The following JAK2 variants were observed in gnomAD, a reference collection of about 807,000 sequenced individuals.
The protein encoded by JAK2 is tyrosine-protein kinase JAK2.
JAK2 carries 86 observed loss-of-function variants against 139.3 expected under a neutral mutation model. The ratio of observed to expected loss-of-function variants is 0.62; its 90% CI spans 0.52 to 0.74. JAK2 has a LOEUF of 0.74. JAK2 is among the 30% of genes least tolerant of loss of function. JAK2 has a pLI of 0.00. For missense variants in JAK2, 1,421 were observed against 1,360.3 expected (o/e 1.04, Z -0.70); for synonymous variants, 490 against 437.7 (o/e 1.12, Z -1.49).
chr9:5,080,134 T>C, intron 16 of JAK2, 95 bp from the exon 17 acceptor site: 1 of 983,470 alleles, frequency 1.0e-6, no homozygotes, highest in Non-Finnish European at 1.5e-6. Flanking sequence ...ATAGGCCTGA[T>C]TATTCAAATG....
chr9:5,042,784 A>C (rs1420016433), intron 4 of JAK2, among the ~76,000 whole-genome samples: 1 of 152,172 alleles, frequency 6.6e-6, no homozygotes, highest in Non-Finnish European at 1.5e-5. Flanking sequence ...GGCCTCCCCA[A>C]AACTAAAGGG....
chr9:4,994,984 A>C (rs2129761614), intron 2 of JAK2, among the ~76,000 whole-genome samples: 1 of 152,298 alleles, frequency 6.6e-6, no homozygotes, highest in Middle Eastern at 3.4e-3. Flanking sequence ...TAAGTAGAAG[A>C]GGAGTTGCTG....
chr9:5,072,405 A>G, intron 12 of JAK2, 87 bp from the exon 13 acceptor site: 12 of 995,628 alleles, frequency 1.2e-5, no homozygotes, highest in Non-Finnish European at 1.5e-5. Flanking sequence ...GGATTTAAAA[A>G]AATTCTTCCT....
intron 3 of JAK2, among the ~76,000 whole-genome samples, chr9:5,022,966 A>G (rs562935110): frequency 2.0e-5 from 3 of 152,260 alleles, no homozygotes; most frequent in Non-Finnish European, 4.4e-5. Context: ...CTTATTTAAG[A>G]TCAGTATAGG....
intron 2 of JAK2, among the ~76,000 whole-genome samples, chr9:5,012,927 A>G (rs1490441242): frequency 6.6e-6 from 1 of 152,226 alleles, no homozygotes; most frequent in African/African-American, 2.4e-5. Flanking sequence ...TTAGGAGGAC[A>G]TTGCAATAGT....
intron 3 of JAK2, among the ~76,000 whole-genome samples, chr9:5,025,955 T>C (rs928287942): frequency 6.6e-6 from 1 of 152,264 alleles, no homozygotes; most frequent in Non-Finnish European, 1.5e-5. Flanking sequence ...TAGCACTCTT[T>C]GTCTTCATAA....
intron 22 of JAK2, among the ~76,000 whole-genome samples, chr9:5,117,067 A>T (rs1306995203): frequency 6.6e-6 from 1 of 152,298 alleles, no homozygotes; most frequent in African/African-American, 2.4e-5. Context: ...ACTTTCATCC[A>T]TGTGAGGACA....
At chr9:5,011,256 G>A (rs1308657111) in intron 2 of JAK2, among the ~76,000 whole-genome samples, 1 of 152,058 alleles carries the variant, frequency 6.6e-6, no homozygotes, top group Non-Finnish European at 1.5e-5. Flanking sequence ...TGTGATCACG[G>A]CTTTCTGCAG....
intron 7 of JAK2, among the ~76,000 whole-genome samples, 176 bp from the exon 8 acceptor site, chr9:5,055,493 T>C (rs1376202409): frequency 2.0e-5 from 3 of 152,038 alleles, no homozygotes; most frequent in Admixed American, 6.6e-5. Flanking sequence ...TCAAGCAAGA[T>C]ACAGCATAGT....
intron 2 of JAK2, among the ~76,000 whole-genome samples, chr9:5,015,958 C>A (rs982491304): frequency 2.0e-5 from 3 of 152,066 alleles, no homozygotes; most frequent in Non-Finnish European, 4.4e-5. Context: ...ATTATAAGTG[C>A]AAAATACTGA....
chr9:5,021,682 G>A (rs961731150), intron 2 of JAK2, among the ~76,000 whole-genome samples: 7 of 152,044 alleles, frequency 4.6e-5, no homozygotes, highest in East Asian at 1.9e-4. Context: ...ACTGGAGTGC[G>A]GTGGAGTGCG....
chr9:5,104,029 A>C (rs202132389), intron 22 of JAK2, among the ~76,000 whole-genome samples: 7 of 152,140 alleles, frequency 4.6e-5, no homozygotes, highest in Admixed American at 1.3e-4. Flanking sequence ...AGAGCAAACA[A>C]ATTCAAAAGC....
intron 23 of JAK2, among the ~76,000 whole-genome samples, chr9:5,124,944 A>C (rs893365186): frequency 4.6e-5 from 7 of 151,578 alleles, no homozygotes; most frequent in African/African-American, 1.7e-4. Context: ...TTGAATTTTT[A>C]AAAAGGGGAT....
intron 22 of JAK2, chr9:5,111,676 G>A: frequency 2.4e-6 from 1 of 420,228 alleles, no homozygotes; most frequent in South Asian, 1.8e-5. Flanking sequence ...GCGGCCCTGT[G>A]GGCAGTGGCG....
At position 5,127,976 on chromosome 9, in the gene JAK2, A is replaced by C. The variant is rs567730823; in HGVS notation, c.*1185A>C. ...GTATCTTTAAGAAAAATGAGCATAC[A>C]TCTTAAATCTTTTCAATTAAGTATA... On this transcript the variant is annotated 3_prime_UTR_variant, in exon 25 of 25. Coordinates refer to ENST00000381652, the MANE Select transcript of JAK2 (RefSeq NM_004972.4). The C allele has an allele frequency of 9.2e-4, 214 of 232,334 alleles. No homozygotes were observed. Among genetic ancestry groups the C allele is most frequent in the Non-Finnish European group, 1.6e-3 (186 of 117,392 alleles). The allele number at this position is 232,334 out of a possible 1,614,324, so 14.4% of individuals were successfully genotyped here.
Position 5,126,456 on chromosome 9 carries a change from T to C in JAK2, c.3291+10T>C, listed in dbSNP as rs1824005457. ...TGGATGCCCAGATGAGGTAACAATT[T>C]TTTTTTAATCCAGGGTAGTCATGCA... On this transcript the variant is annotated intron_variant, in intron 24 of 24. Transcript: ENST00000381652. 1 of 1,559,390 alleles carries C rather than the reference T, an allele frequency of 6.4e-7. No homozygotes were observed. Among genetic ancestry groups the C allele is most frequent in the Admixed American group, 1.7e-5 (1 of 57,208 alleles).
At chr9:5,001,788 G>T (rs1213791731) in intron 2 of JAK2, among the ~76,000 whole-genome samples, 1 of 151,952 alleles carries the variant, frequency 6.6e-6, no homozygotes, top group Non-Finnish European at 1.5e-5. Flanking sequence ...CTTTCCCAGG[G>T]AAGTCACTTT....
At chr9:5,064,457 G>C (rs1818425654) in intron 8 of JAK2, among the ~76,000 whole-genome samples, 1 of 151,604 alleles carries the variant, frequency 6.6e-6, no homozygotes, top group South Asian at 2.1e-4. Flanking sequence ...TTGAGCCTGG[G>C]AGGTGGAGGT....
chr9:5,006,604 GA>G (rs1446517821), intron 2 of JAK2, among the ~76,000 whole-genome samples: 1 of 152,070 alleles, frequency 6.6e-6, no homozygotes, highest in Non-Finnish European at 1.5e-5. Context: ...AGGTGAAGGG[GA>G]AAAAAGTACA....
Sources: allele counts gnomAD v4.1 joint callset (sites outside exome capture counted in the v4.1 genomes callset), GRCh38; gene constraint gnomAD v4.1.1; transcripts MANE v1.5; gene names NCBI Gene and HGNC (gene_info 2026-07-23, HGNC 2026-07-21).